SPIRE1: variants seen among roughly 807,000 people sequenced by gnomAD.
SPIRE1 encodes the protein protein spire homolog 1.
SPIRE1 carries 40 observed loss-of-function variants against 94.1 expected under a neutral mutation model. The observed-to-expected ratio is 0.43, with a 90% CI of 0.33 to 0.55. SPIRE1 has a LOEUF of 0.55. Ranked by LOEUF, SPIRE1 falls within the 20% of genes least tolerant of loss-of-function variation. SPIRE1 has a pLI of 0.06. For synonymous variants in SPIRE1, 376 were observed against 371.7 expected (o/e 1.01, Z -0.13); for missense variants, 838 against 975.2 (o/e 0.86, Z 1.87).
chr18:12,615,345 A>AAAAAAAAAAAAAAAAAAAAAAAAT, intron 2 of SPIRE1, among the ~76,000 whole-genome samples: 1 of 17,244 alleles, frequency 5.8e-5, no homozygotes, highest in East Asian at 1.7e-3. Flanking sequence ...AAAAAAAAAA[A>AAAAAAAAAAAAAAAAAAAAAAAAT]ATATATATAT....
At chr18:12,651,908 G>A (rs1490878472) in intron 1 of SPIRE1, among the ~76,000 whole-genome samples, 1 of 152,036 alleles carries the variant, frequency 6.6e-6, no homozygotes, top group East Asian at 1.9e-4. Flanking sequence ...TATGCACACA[G>A]GCATTCATTG....
At chr18:12,475,142 G>A (rs368996407) in intron 10 of SPIRE1, among the ~76,000 whole-genome samples, 2 of 152,168 alleles carry the variant, frequency 1.3e-5, no homozygotes, top group East Asian at 3.8e-4. Flanking sequence ...ACATCAACAT[G>A]CTGTGGCACA....
At chr18:12,647,044 CAA>C (rs34928573) in intron 1 of SPIRE1, among the ~76,000 whole-genome samples, 57 of 78,278 alleles carry the variant, frequency 7.3e-4, no homozygotes, top group Admixed American at 1.1e-3. Context: ...AACTCTGACT[CAA>C]AAAAAAAAAA....
chr18:12,528,473 G>A (rs141505055), intron 4 of SPIRE1, among the ~76,000 whole-genome samples: 2,341 of 152,282 alleles, frequency 0.015, 39 homozygotes, highest in Non-Finnish European at 0.023. Flanking sequence ...TCTAGGTAGC[G>A]AAGAGGGGAA....
chr18:12,542,163 G>A (rs995896566), intron 3 of SPIRE1, among the ~76,000 whole-genome samples: 1 of 151,938 alleles, frequency 6.6e-6, no homozygotes, highest in African/African-American at 2.4e-5. Flanking sequence ...CTTTTTAGTA[G>A]AGACGGGGTT....
At chr18:12,467,590 C>A (rs1197019262) in intron 10 of SPIRE1, among the ~76,000 whole-genome samples, 15 of 152,144 alleles carry the variant, frequency 9.9e-5, no homozygotes, top group Admixed American at 9.8e-4. Flanking sequence ...TATCTGCTAC[C>A]CTGATTAAAA....
Position 12,643,119 on chromosome 18 carries a change from A to G in SPIRE1, c.338-8023T>C, listed in dbSNP as rs999522651. Among the ~76,000 whole-genome samples, 19 of 152,242 alleles carry G rather than the reference A, an allele frequency of 1.2e-4. 1 individual carries two copies. The highest frequency in any genetic ancestry group is 3.3e-4 in the Admixed American group (5 of 15,286). On this transcript the variant is annotated intron_variant, in intron 1 of 16. Coordinates refer to ENST00000409402, the MANE Select transcript of SPIRE1 (RefSeq NM_001128626.2). Reference sequence around the variant, plus strand: ...ATAGCTAAAAATGTTTATAGTATAAACATTTTTAAATGTTTATACATAAAT... The same window carrying G: ...ATAGCTAAAAATGTTTATAGTATAAGCATTTTTAAATGTTTATACATAAAT...
At chr18:12,601,661 CA>C (rs1292453088) in intron 2 of SPIRE1, among the ~76,000 whole-genome samples, 1 of 152,166 alleles carries the variant, frequency 6.6e-6, no homozygotes, top group African/African-American at 2.4e-5. Flanking sequence ...TCCATGAAAT[CA>C]CTCACGTACT....
At chr18:12,629,627 G>A (rs567301557) in intron 2 of SPIRE1, among the ~76,000 whole-genome samples, 7 of 152,092 alleles carry the variant, frequency 4.6e-5, no homozygotes, top group African/African-American at 1.7e-4. Context: ...TGGGAGGAGG[G>A]GCAGGGCTAA....
At chr18:12,618,283 GT>G (rs1458374677) in intron 2 of SPIRE1, among the ~76,000 whole-genome samples, 1 of 151,924 alleles carries the variant, frequency 6.6e-6, no homozygotes, top group Non-Finnish European at 1.5e-5. Context: ...TGTATTTTTA[GT>G]AGAGATGGAG....
intron 4 of SPIRE1, among the ~76,000 whole-genome samples, chr18:12,530,492 T>C (rs1186430476): frequency 6.6e-6 from 1 of 152,066 alleles, no homozygotes; most frequent in Admixed American, 6.6e-5. Flanking sequence ...TGTCTCCGCC[T>C]CCCAAGCAGC....
chr18:12,486,610 G>T (rs1249916650), intron 8 of SPIRE1, among the ~76,000 whole-genome samples: 2 of 152,132 alleles, frequency 1.3e-5, no homozygotes, highest in Non-Finnish European at 2.9e-5. Context: ...GTGACCCCAG[G>T]CAAGTTACTT....
intron 4 of SPIRE1, among the ~76,000 whole-genome samples, chr18:12,521,130 A>C (rs1390036421): frequency 6.6e-6 from 1 of 152,182 alleles, no homozygotes; most frequent in African/African-American, 2.4e-5. Flanking sequence ...TTTAGAAAAC[A>C]CTGTTTTTCC....
intron 12 of SPIRE1, 53 bp from the exon 13 acceptor site, chr18:12,454,536 G>A (rs574161114): frequency 3.2e-6 from 5 of 1,586,126 alleles, no homozygotes; most frequent in African/African-American, 2.8e-5. Flanking sequence ...TGTTCTGGAA[G>A]TGCAAAATTT....
At chr18:12,585,949 T>C (rs1469511586) in intron 2 of SPIRE1, among the ~76,000 whole-genome samples, 1 of 152,080 alleles carries the variant, frequency 6.6e-6, no homozygotes. Flanking sequence ...TATGTATGCA[T>C]GTATGTATGT....
chr18:12,468,062 TAG>T (rs1311636616), intron 10 of SPIRE1, among the ~76,000 whole-genome samples: 4 of 152,242 alleles, frequency 2.6e-5, no homozygotes, highest in African/African-American at 9.6e-5. Context: ...GGAAACCAGT[TAG>T]AGTTAAATTC....
chr18:12,620,452 C>A (rs1818828864), intron 2 of SPIRE1, among the ~76,000 whole-genome samples: 1 of 152,134 alleles, frequency 6.6e-6, no homozygotes, highest in African/African-American at 2.4e-5. Context: ...GCAATCAAGG[C>A]AACATGGCAC....
chr18:12,617,792 G>C (rs145618481), intron 2 of SPIRE1, among the ~76,000 whole-genome samples: 1 of 152,108 alleles, frequency 6.6e-6, no homozygotes, highest in Admixed American at 6.6e-5. Flanking sequence ...CTGACCTCAA[G>C]TGATCCACCA....
chr18:12,517,729 T>C (rs1169788505), intron 4 of SPIRE1, among the ~76,000 whole-genome samples: 1 of 152,232 alleles, frequency 6.6e-6, no homozygotes, highest in Non-Finnish European at 1.5e-5. Flanking sequence ...CAAAATCTAC[T>C]CTGTGAATCA....
Sources: gnomAD v4.1 joint callset for allele counts (sites outside exome capture counted in the v4.1 genomes callset) on GRCh38, gnomAD v4.1.1 for gene constraint, MANE v1.5 for transcripts, NCBI Gene and HGNC (gene_info 2026-07-23, HGNC 2026-07-21) for gene names.